ARHGAP10: variants seen among roughly 807,000 people sequenced by gnomAD.
ARHGAP10 encodes the protein rho GTPase-activating protein 10.
ARHGAP10 carries 87 observed loss-of-function variants against 108.6 expected under a neutral mutation model. That is an observed-to-expected ratio of 0.80 (90% CI 0.67 to 0.96). The LOEUF is 0.96. ARHGAP10 is among the 40% of genes least tolerant of loss of function. The pLI, the probability that ARHGAP10 is intolerant of heterozygous loss-of-function variation, is 0.00. For missense variants in ARHGAP10, 939 were observed against 954.5 expected, an observed-to-expected ratio of 0.98 and a Z score of 0.21; for synonymous variants, 347 against 341.1, an observed-to-expected ratio of 1.02 and a Z score of -0.19.
intron 10 of ARHGAP10, among the ~76,000 whole-genome samples, chr4:147,891,162 C>T (rs942358117): frequency 6.6e-6 from 1 of 152,166 alleles, no homozygotes; most frequent in African/African-American, 2.4e-5. Context: ...TATGTTTACA[C>T]AGAAACTTGT....
In ARHGAP10 at chr4:147,932,413, A is replaced by G. The variant is rs188107427; in HGVS notation, c.1229-7412A>G. Among the ~76,000 whole-genome samples the G allele has an allele frequency of 2.0e-4, 30 of 152,332 alleles. No individual in the cohort carries two copies. In the East Asian group the frequency reaches 3.5e-3, roughly 18 times the overall value. The stretch of plus-strand genomic sequence containing the variant: ...ATGGAATCAACCCAAATGCCCATCA[A>G]TGATAGACTGGATAAAGAAAATGCC... On this transcript the variant is annotated intron_variant, in intron 13 of 22. Coordinates refer to ENST00000336498, the MANE Select transcript of ARHGAP10 (RefSeq NM_024605.4).
rs1246156088 is a variant in ARHGAP10 at position 148,063,129 on chromosome 4, T to C, written c.2028-19T>C. On this transcript the variant is annotated intron_variant, in intron 20 of 22. Transcript: ENST00000336498. ...GGCCTTTCTGCTATTAATCCTGTCC[T>C]TCAAACTCCTACCCTTAGCCCAGGC... 1.2e-6 allele frequency: 2 copies of C among 1,613,750 alleles called. No homozygotes were observed. The highest frequency in any genetic ancestry group is 8.5e-7 in the Non-Finnish European group (1 of 1,179,788).
chr4:147,753,634 G>A (rs1465421817), intron 1 of ARHGAP10, among the ~76,000 whole-genome samples: 1 of 152,034 alleles, frequency 6.6e-6, no homozygotes, highest in Non-Finnish European at 1.5e-5. Flanking sequence ...GATTACAGGC[G>A]TGAGCCACTG....
At chr4:147,836,561 CT>C (rs1183867285) in intron 3 of ARHGAP10, among the ~76,000 whole-genome samples, 2 of 152,148 alleles carry the variant, frequency 1.3e-5, no homozygotes, top group African/African-American at 4.8e-5. Flanking sequence ...TATTAATCGG[CT>C]CCTGATTTTC....
chr4:148,070,743 G>C (rs1730136116), intron 22 of ARHGAP10, among the ~76,000 whole-genome samples: 1 of 152,166 alleles, frequency 6.6e-6, no homozygotes, highest in Admixed American at 6.5e-5. Flanking sequence ...TATTCTCCTG[G>C]GTTGTGATCA....
At chr4:147,948,667 G>A (rs1044384180) in intron 15 of ARHGAP10, among the ~76,000 whole-genome samples, 3 of 152,016 alleles carry the variant, frequency 2.0e-5, no homozygotes, top group Admixed American at 1.3e-4. Context: ...TTTCAAGAAT[G>A]CATTGTAGGC....
intron 18 of ARHGAP10, among the ~76,000 whole-genome samples, chr4:147,968,442 C>T (rs775089134): frequency 3.6e-4 from 55 of 152,184 alleles, no homozygotes; most frequent in Non-Finnish European, 2.4e-4. Flanking sequence ...GAAGTTATTA[C>T]CCCTTTTGTT....
At chr4:147,960,099 T>C (rs1169069192) in intron 16 of ARHGAP10, among the ~76,000 whole-genome samples, 1 of 152,242 alleles carries the variant, frequency 6.6e-6, no homozygotes, top group Non-Finnish European at 1.5e-5. Context: ...GAAATTGTTA[T>C]ATTGTTTTTA....
intron 1 of ARHGAP10, among the ~76,000 whole-genome samples, chr4:147,778,864 C>T (rs967180333): frequency 1.3e-5 from 2 of 152,026 alleles, no homozygotes; most frequent in South Asian, 2.1e-4. Flanking sequence ...CTTAGAATGA[C>T]CAGTAAAGAG....
chr4:147,791,773 T>C (rs182024258), intron 1 of ARHGAP10, among the ~76,000 whole-genome samples: 20 of 151,670 alleles, frequency 1.3e-4, no homozygotes, highest in Middle Eastern at 6.8e-3. Flanking sequence ...TTAGTAGAGA[T>C]GGGGTTTCAC....
chr4:147,906,741 G>C, intron 11 of ARHGAP10, 22 bp downstream of exon 11: 1 of 1,613,230 alleles, frequency 6.2e-7, no homozygotes. Context: ...CAATGGTTGA[G>C]TTTTATTTCA....
chr4:147,764,153 GTAATGTA>G (rs953782930), intron 1 of ARHGAP10, among the ~76,000 whole-genome samples: 9 of 152,302 alleles, frequency 5.9e-5, no homozygotes, highest in Admixed American at 5.2e-4. Flanking sequence ...AAGTTTCTGA[GTAATGTA>G]TAAAGCTTGT....
chr4:147,778,614 G>GA (rs1216031685), intron 1 of ARHGAP10, among the ~76,000 whole-genome samples: 1 of 152,168 alleles, frequency 6.6e-6, no homozygotes, highest in Non-Finnish European at 1.5e-5. Context: ...CATACCCCAA[G>GA]AAGCTGCTCA....
chr4:147,936,639 CTT>C (rs1205750159), intron 13 of ARHGAP10, among the ~76,000 whole-genome samples: 2 of 152,138 alleles, frequency 1.3e-5, no homozygotes, highest in Non-Finnish European at 2.9e-5. Flanking sequence ...CTTTTCCTCT[CTT>C]ATAGTTGCTG....
chr4:148,042,010 G>C (rs1326927210), intron 19 of ARHGAP10, among the ~76,000 whole-genome samples: 1 of 152,078 alleles, frequency 6.6e-6, no homozygotes, highest in East Asian at 1.9e-4. Flanking sequence ...AACTATCCCA[G>C]GCTTCTCTTC....
In ARHGAP10 at chr4:147,909,695, G is replaced by C. The variant is rs1736654979; in HGVS notation, c.1117-37G>C. 2 of 1,565,806 alleles carry C rather than the reference G, an allele frequency of 1.3e-6. 1 individual carries two copies. Among genetic ancestry groups the C allele is most frequent in the Non-Finnish European group, 1.8e-6 (2 of 1,139,156 alleles). ...CTACTTGAATAATTTTTGCTGATTT[G>C]ATTAAAAAATTCTGTTTTTCCATTC... On this transcript the variant is annotated intron_variant, in intron 11 of 22. Coordinates refer to ENST00000336498, the MANE Select transcript of ARHGAP10 (RefSeq NM_024605.4).
chr4:148,031,308 G>T (rs914793845), intron 19 of ARHGAP10, among the ~76,000 whole-genome samples: 17 of 152,116 alleles, frequency 1.1e-4, no homozygotes, highest in African/African-American at 3.9e-4. Flanking sequence ...TAATAACTTT[G>T]AACAGTTATG....
chr4:147,877,787 CCT>C (rs1168589048), intron 8 of ARHGAP10, among the ~76,000 whole-genome samples: 1 of 146,026 alleles, frequency 6.8e-6, no homozygotes, highest in African/African-American at 2.7e-5. Flanking sequence ...GACAGTCACT[CCT>C]ATTGAGTCTT....
rs755457881 is a variant in ARHGAP10, at chr4:147,847,236, T to G, written c.384+14T>G. ...GGAGCTGTAAAGGTTTGTGTCTAATTTGAATACACTCAGAAAACATAGATG... is the reference window on the plus strand; with the variant it reads ...GGAGCTGTAAAGGTTTGTGTCTAATGTGAATACACTCAGAAAACATAGATG... On this transcript the variant is annotated intron_variant, in intron 4 of 22. Transcript: ENST00000336498. 1.3e-6 allele frequency: 2 copies of G among 1,596,484 alleles called. No individual in the cohort carries two copies. Among genetic ancestry groups the G allele is most frequent in the African/African-American group, 1.3e-5 (1 of 74,602 alleles).
Sources: allele counts gnomAD v4.1 joint callset (sites outside exome capture counted in the v4.1 genomes callset), GRCh38; gene constraint gnomAD v4.1.1; transcripts MANE v1.5; gene names NCBI Gene and HGNC (gene_info 2026-07-23, HGNC 2026-07-21).